The following OSBPL9 variants were observed in gnomAD, a reference collection of about 807,000 sequenced individuals.
OSBPL9 encodes the protein oxysterol binding protein like 9.
Under a neutral mutation model 106.6 loss-of-function variants are expected in OSBPL9, and 40 were observed. That is an observed-to-expected ratio of 0.38 (90% CI 0.29 to 0.49). The LOEUF (loss-of-function observed/expected upper bound fraction) is 0.49, where lower values mean the gene tolerates loss of function less well. Among genes scored for constraint, OSBPL9 ranks in the 20% least tolerant of loss-of-function variants. The pLI is 0.97. For missense variants in OSBPL9, 609 were observed against 887.2 expected (o/e 0.69, Z 3.98); for synonymous variants, 269 against 295.4 (o/e 0.91, Z 0.92).
At chr1:51,741,588 G>T (rs1460334105) in intron 4 of OSBPL9, among the ~76,000 whole-genome samples, 2 of 145,736 alleles carry the variant, frequency 1.4e-5, no homozygotes, top group African/African-American at 2.5e-5. Flanking sequence ...TTTTTTGAGG[G>T]TCTTACCCTG....
the OSBPL9 span, among the ~76,000 whole-genome samples, chr1:51,570,641 G>T: frequency 2.6e-5 from 4 of 152,184 alleles, no homozygotes; most frequent in Non-Finnish European, 5.9e-5. Context: ...CCATGCTGCT[G>T]CCCAGCTTAC....
chr1:51,750,114 A>G (rs1303297110), intron 7 of OSBPL9, 31 bp from the exon 8 acceptor site: 2 of 1,533,142 alleles, frequency 1.3e-6, no homozygotes, highest in Non-Finnish European at 1.8e-6. Flanking sequence ...ATTTGAGCCA[A>G]GATCCTAAAA....
chr1:51,695,678 A>C (rs1170591495), intron 3 of OSBPL9, among the ~76,000 whole-genome samples: 2 of 152,198 alleles, frequency 1.3e-5, no homozygotes, highest in Non-Finnish European at 2.9e-5. Context: ...TAGAGATTCC[A>C]TTCTCATTGC....
chr1:51,600,550 GAAATTA>G (rs1024100176), intron 2 of OSBPL9, among the ~76,000 whole-genome samples: 2 of 152,042 alleles, frequency 1.3e-5, no homozygotes, highest in Non-Finnish European at 2.9e-5. Flanking sequence ...GGTTTTAAAA[GAAATTA>G]AAATTAAAAC....
At chr1:51,566,362 T>C in the OSBPL9 span, 2 of 152,222 alleles carry the variant, frequency 1.3e-5, no homozygotes, top group South Asian at 4.1e-4. Flanking sequence ...AGATCCTCTA[T>C]GTGCAGGCGT....
chr1:51,780,083 G>GA (rs551088535), intron 15 of OSBPL9, among the ~76,000 whole-genome samples: 2,743 of 75,538 alleles, frequency 0.036, 18 homozygotes, highest in Non-Finnish European at 0.051. Context: ...ATCTCAAAAA[G>GA]AAAAAAAAAA....
At chr1:51,530,205 A>AAAG in the OSBPL9 span, among the ~76,000 whole-genome samples, 7 of 139,890 alleles carry the variant, frequency 5.0e-5, no homozygotes, top group African/African-American at 1.8e-4. Flanking sequence ...AAAAAAAAAA[A>AAAG]CCTCTAAGAA....
intron 4 of OSBPL9, chr1:51,740,074 C>T (rs1666560068): frequency 6.5e-7 from 1 of 1,537,428 alleles, no homozygotes; most frequent in African/African-American, 1.4e-5. Context: ...TATTCCTTTA[C>T]TTGATTATTG....
chr1:51,786,713 C>A, intron 22 of OSBPL9, 96 bp downstream of exon 22: 1 of 961,538 alleles, frequency 1.0e-6, no homozygotes, highest in South Asian at 1.5e-5. Context: ...TAGGGCAGAG[C>A]ATAATAGTAT....
At chr1:51,779,735 T>C (rs1336233464) in intron 15 of OSBPL9, among the ~76,000 whole-genome samples, 1 of 150,920 alleles carries the variant, frequency 6.6e-6, no homozygotes, top group Non-Finnish European at 1.5e-5. Context: ...CATCAAAAAG[T>C]GGGCTAAGGA....
At chr1:51,780,035 G>A (rs1424348340) in intron 15 of OSBPL9, among the ~76,000 whole-genome samples, 3 of 149,922 alleles carry the variant, frequency 2.0e-5, no homozygotes, top group Admixed American at 6.7e-5. Context: ...CCAAGATCGC[G>A]CCACTGCACT....
intron 1 of OSBPL9, among the ~76,000 whole-genome samples, chr1:51,623,963 G>C (rs1644603573): frequency 6.6e-6 from 1 of 151,552 alleles, no homozygotes; most frequent in Non-Finnish European, 1.5e-5. Context: ...TGTCACCCAG[G>C]TTGGAGTGCA....
chr1:51,735,777 A>C (rs760781250), intron 4 of OSBPL9, among the ~76,000 whole-genome samples: 2 of 152,212 alleles, frequency 1.3e-5, no homozygotes, highest in African/African-American at 4.8e-5. Context: ...GATAAGATTT[A>C]GTGTGAGATA....
At chr1:51,536,604 C>G in the OSBPL9 span, among the ~76,000 whole-genome samples, 1 of 152,162 alleles carries the variant, frequency 6.6e-6, no homozygotes, top group African/African-American at 2.4e-5. Flanking sequence ...CAGGTGTGAG[C>G]CACCACACCT....
intron 1 of OSBPL9, among the ~76,000 whole-genome samples, chr1:51,631,596 A>G (rs754779362): frequency 1.3e-5 from 2 of 152,130 alleles, no homozygotes; most frequent in Non-Finnish European, 2.9e-5. Context: ...TTATCTGCAG[A>G]AGTAATTGTG....
At chr1:51,530,489 C>T in the OSBPL9 span, among the ~76,000 whole-genome samples, 2 of 152,090 alleles carry the variant, frequency 1.3e-5, no homozygotes, top group South Asian at 2.1e-4. Flanking sequence ...TGGTGGCTCA[C>T]ACCTGTAATC....
intron 1 of OSBPL9, chr1:51,577,321 C>CTTTTTTTTTTTTTT (rs762583157): frequency 5.4e-5 from 7 of 129,878 alleles, no homozygotes; most frequent in South Asian, 4.8e-4. Flanking sequence ...TTTTTCTTTT[C>CTTTTTTTTTTTTTT]TTTTTTTTTT....
intron 4 of OSBPL9, among the ~76,000 whole-genome samples, chr1:51,733,462 T>C (rs1319529806): frequency 6.6e-6 from 1 of 152,076 alleles, no homozygotes; most frequent in African/African-American, 2.4e-5. Context: ...ATTGGAAAAA[T>C]GTTTAGAAAC....
At chr1:51,775,430 G>T (rs1674829510) in intron 14 of OSBPL9, among the ~76,000 whole-genome samples, 2 of 150,228 alleles carry the variant, frequency 1.3e-5, no homozygotes, top group African/African-American at 4.9e-5. Flanking sequence ...TCAATAAATT[G>T]TTTCCCAGCT....
Sources: allele counts gnomAD v4.1 joint callset (sites outside exome capture counted in the v4.1 genomes callset), GRCh38; gene constraint gnomAD v4.1.1; transcripts MANE v1.5; gene names NCBI Gene and HGNC (gene_info 2026-07-23, HGNC 2026-07-21).